LRRC74B: variants seen among roughly 807,000 people sequenced by gnomAD.
LRRC74B encodes leucine rich repeat containing 74B.
A neutral mutation model predicts 16.6 loss-of-function variants in LRRC74B; 30 were observed. That is an observed-to-expected ratio of 1.80 (90% CI 1.35 to 2.45). LRRC74B has a LOEUF of 2.45. Ranked by LOEUF, LRRC74B falls within the 30% of genes most tolerant of loss-of-function variation. LRRC74B has a pLI of 0.00. For synonymous variants in LRRC74B, 134 were observed against 86.0 expected (o/e 1.56, Z -3.09); for missense variants, 326 against 202.4 (o/e 1.61, Z -3.71).
At chr22:21,047,735 G>A (rs1006794924) in intron 2 of LRRC74B, 149 bp from the exon 3 acceptor site, 6 of 623,762 alleles carry the variant, frequency 9.6e-6, no homozygotes, top group African/African-American at 9.1e-5. Flanking sequence ...GGGGGTGGGG[G>A]GAGACCTTCA....
chr22:21,047,415 C>T (rs760313018), exon 2 of LRRC74B: 13 of 717,396 alleles, frequency 1.8e-5, no homozygotes, highest in South Asian at 1.8e-4. Flanking sequence ...TTGCCGGGCC[C>T]ATAGTGTTGT....
chr22:21,061,634 AAATC>A (rs997067153), downstream of LRRC74B: 5 of 152,358 alleles, frequency 3.3e-5, no homozygotes, highest in Admixed American at 1.3e-4. Context: ...CTGTCTTTAA[AAATC>A]AATCAGTCAA....
exon 2 of LRRC74B, chr22:21,047,494 C>T (rs552467833): frequency 2.5e-5 from 18 of 717,368 alleles, no homozygotes; most frequent in Non-Finnish European, 4.2e-5. Context: ...GGCCTGGGGC[C>T]CCAGGTACCA....
downstream of LRRC74B, chr22:21,061,721 T>C (rs1930815179): frequency 6.6e-6 from 1 of 152,220 alleles, no homozygotes; most frequent in African/African-American, 2.4e-5. Context: ...TTTCCATTCC[T>C]AGGTATATAC....
intron 5 of LRRC74B, 57 bp from the exon 6 acceptor site, chr22:21,053,303 C>T: frequency 1.4e-6 from 1 of 699,824 alleles, no homozygotes; most frequent in Non-Finnish European, 2.7e-6. Flanking sequence ...GGCTGTGGCA[C>T]CCTGGCTTGC....
intron 8 of LRRC74B, among the ~76,000 whole-genome samples, chr22:21,057,746 C>T (rs1037927691): frequency 3.5e-5 from 5 of 141,150 alleles, no homozygotes; most frequent in Admixed American, 1.5e-4. Flanking sequence ...GCTCCCCAAG[C>T]AGCTGGAAGT....
chr22:21,051,144 C>T (rs1022559701), intron 4 of LRRC74B, among the ~76,000 whole-genome samples: 6 of 152,034 alleles, frequency 3.9e-5, no homozygotes, highest in Admixed American at 2.6e-4. Context: ...AGGGTGAGAC[C>T]GTGTCTTAAC....
At chr22:21,054,704 G>A (rs1052660791) in intron 6 of LRRC74B, among the ~76,000 whole-genome samples, 7 of 152,232 alleles carry the variant, frequency 4.6e-5, no homozygotes, top group African/African-American at 1.4e-4. Context: ...GGTCCAGGGC[G>A]GTGCTGAGGA....
chr22:21,047,358 AC>A lies in LRRC74B; in HGVS notation c.144del (p.Asp49MetfsTer13), dbSNP rs957897472. Reference sequence around the variant, plus strand: ...TTCGTCCCCCTGTCTCCTGCCAGGCACCGATGGGCTTGGAGAACTGGTCAGG... The same window carrying A: ...TTCGTCCCCCTGTCTCCTGCCAGGCACGATGGGCTTGGAGAACTGGTCAGG... On this transcript the variant is annotated frameshift_variant, in exon 2 of 9. Transcript: ENST00000442047. LOFTEE classifies it high-confidence loss of function. 9.8e-6 allele frequency: 7 copies of A among 717,230 alleles called. No homozygotes were observed. The highest frequency in any genetic ancestry group is 2.3e-4 in the Middle Eastern group (1 of 4,366). 44.4% of individuals were successfully genotyped at this position (717,230 alleles called of 1,614,324 possible).
At chr22:21,061,879 A>G (rs190995149), downstream of LRRC74B, 263 of 152,326 alleles carry the variant, frequency 1.7e-3, 1 homozygote, top group African/African-American at 5.9e-3. Flanking sequence ...ATTTGGCAAT[A>G]AAAAGGAATT....
rs574147380 is a variant in LRRC74B, at chr22:21,046,402, A to C, written c.139+277A>C. Among the ~76,000 whole-genome samples, 230 of 152,362 alleles carry C rather than the reference A, an allele frequency of 1.5e-3. 4 individuals carry two copies. The highest frequency in any genetic ancestry group is 1.2e-3 in the Non-Finnish European group (81 of 68,038). On this transcript the variant is annotated intron_variant, in intron 1 of 8. Transcript: ENST00000442047. The stretch of plus-strand genomic sequence containing the variant: ...CTAAGCTAATGGATGTATGGAATTT[A>C]GAACTATCTCGGTTTTTTCTCCCGT...
exon 7 of LRRC74B, chr22:21,055,105 C>T (rs778473257): frequency 6.7e-5 from 48 of 717,038 alleles, no homozygotes; most frequent in South Asian, 4.7e-4. Context: ...CAGTAACAAC[C>T]GCATCTCTGC....
At chr22:21,057,638 A>G (rs1930611779) in intron 8 of LRRC74B, among the ~76,000 whole-genome samples, 1 of 142,062 alleles carries the variant, frequency 7.0e-6, no homozygotes, top group Non-Finnish European at 1.5e-5. Flanking sequence ...TTTTTTTTTG[A>G]GTCAGGGTCT....
chr22:21,049,536 C>G (rs947323545), intron 4 of LRRC74B: 1 of 185,484 alleles, frequency 5.4e-6, no homozygotes, highest in African/African-American at 2.4e-5. Flanking sequence ...AAAGAGGTGG[C>G]TGGGGAGGCC....
chr22:21,053,385 A>G (rs1290721215), exon 6 of LRRC74B: 2 of 717,108 alleles, frequency 2.8e-6, no homozygotes, highest in Non-Finnish European at 5.2e-6. Flanking sequence ...AAAGTTCTAG[A>G]CATCTCATAC....
At chr22:21,053,316 C>T (rs1930217084) in intron 5 of LRRC74B, 44 bp from the exon 6 acceptor site, 3 of 706,784 alleles carry the variant, frequency 4.2e-6, no homozygotes, top group East Asian at 2.7e-5. Flanking sequence ...TGGCTTGCTC[C>T]ACTGTCAGAT....
downstream of LRRC74B, chr22:21,063,681 A>G (rs973404616): frequency 1.3e-5 from 2 of 152,246 alleles, no homozygotes; most frequent in East Asian, 1.9e-4. Context: ...CAAAATAATA[A>G]TAACAATAAT....
intron 1 of LRRC74B, among the ~76,000 whole-genome samples, chr22:21,046,331 C>A (rs1208123237): frequency 7.1e-6 from 1 of 140,434 alleles, no homozygotes; most frequent in Non-Finnish European, 1.6e-5. Context: ...GGCTGTCCCA[C>A]CCTGAAATGA....
downstream of LRRC74B, chr22:21,060,709 TCA>T (rs1930770338): frequency 2.0e-6 from 1 of 507,964 alleles, no homozygotes; most frequent in Non-Finnish European, 3.5e-6. Context: ...GACCCTGCAC[TCA>T]TCTGGGCCTT....
Sources: gnomAD v4.1 joint callset for allele counts (sites outside exome capture counted in the v4.1 genomes callset) on GRCh38, gnomAD v4.1.1 for gene constraint, MANE v1.5 for transcripts, NCBI Gene and HGNC (gene_info 2026-07-23, HGNC 2026-07-21) for gene names.